The following MYH14 variants were observed in gnomAD, a reference collection of about 807,000 sequenced individuals.
The protein encoded by MYH14 is myosin heavy chain 14.
MYH14 carries 123 observed loss-of-function variants against 255.5 expected under a neutral mutation model. That is an observed-to-expected ratio of 0.48 (90% CI 0.42 to 0.56). MYH14 has a LOEUF of 0.56. MYH14 is among the 20% of genes least tolerant of loss of function. The pLI is 0.00. For missense variants in MYH14, 2,423 were observed against 2,802.3 expected, an observed-to-expected ratio of 0.86 and a Z score of 3.06; for synonymous variants, 1,095 against 1,161.2, an observed-to-expected ratio of 0.94 and a Z score of 1.16.
chr19:50,247,228 G>A (rs2034166081), intron 12 of MYH14, 106 bp downstream of exon 12: 1 of 774,396 alleles, frequency 1.3e-6, no homozygotes, highest in Admixed American at 2.1e-5. Context: ...GACTTTTGCT[G>A]AGTGCCCGCT....
Position 50,272,683 on chromosome 19 carries a change from G to A in MYH14, c.3419G>A (p.Arg1140Gln), listed in dbSNP as rs1396226848. ...VEQQQRAEEL[R>Q]AQLGRKEEEL... ...CAGCAACAGCGGGCAGAGGAGCTGC[G>A]GGCCCAGCTGGGCCGGAAGGAGGAG... Residue 1140 changes from arginine (R) to glutamine (Q), a missense_variant, in exon 27 of 43, where the codon CGG becomes CAG. This residue lies in a region of MYH14 where 1,513 missense variants were observed against 1,674.8 expected (regional missense o/e 0.90). Coordinates refer to ENST00000642316, the MANE Select transcript of MYH14 (RefSeq NM_001145809.2). 6.4e-6 allele frequency: 10 copies of A among 1,552,444 alleles called. No individual in the cohort carries two copies. The highest frequency in any genetic ancestry group is 5.5e-5 in the African/African-American group (4 of 73,194).
intron 13 of MYH14, 29 bp downstream of exon 13, chr19:50,249,168 C>T: frequency 6.5e-7 from 1 of 1,543,350 alleles, no homozygotes; most frequent in Non-Finnish European, 8.8e-7. Flanking sequence ...AGGGGGATGC[C>T]AACTTCCTCA....
chr19:50,218,372 G>A (rs537217620), intron 3 of MYH14, among the ~76,000 whole-genome samples: 11 of 152,132 alleles, frequency 7.2e-5, no homozygotes, highest in South Asian at 2.1e-4. Flanking sequence ...TGAGGCAGGC[G>A]GATCACGAGG....
chr19:50,244,425 C>A, intron 11 of MYH14, 88 bp downstream of exon 11: 1 of 955,710 alleles, frequency 1.0e-6, no homozygotes, highest in Non-Finnish European at 1.7e-6. Context: ...ACGTAGAGAG[C>A]ATCCCCCTTC....
chr19:50,245,387 T>C lies in MYH14; in HGVS notation c.1210+1050T>C, dbSNP rs1429235213. 9.2e-5 allele frequency among the ~76,000 whole-genome samples: 13 copies of C among 141,516 alleles called. No individual in the cohort carries two copies. The Admixed American group carries it at 9.9e-4, about 11-fold the overall frequency. 92.8% of individuals were successfully genotyped at this position (141,516 alleles called of 152,430 possible). A position where few individuals can be genotyped will look rare whatever the true frequency, so the allele number is the denominator to read the frequency against. ...TTGAGCCGAGATTGTGCCGCTGCAC[T>C]CCAGCCTGGGCAACGGAGCAAGAAT... On this transcript the variant is annotated intron_variant, in intron 11 of 42. Transcript: ENST00000642316.
chr19:50,289,340 T>TC, intron 34 of MYH14, 96 bp from the exon 35 acceptor site: 1 of 994,576 alleles, frequency 1.0e-6, no homozygotes, highest in East Asian at 2.6e-5. Flanking sequence ...ACTTGCCATC[T>TC]CCCCATCCTC....
chr19:50,232,608 A>AC (rs1203535868), intron 10 of MYH14, among the ~76,000 whole-genome samples: 14 of 150,982 alleles, frequency 9.3e-5, no homozygotes, highest in African/African-American at 2.9e-4. Context: ...AAAAAAAAAA[A>AC]AAAAAAAACA....
At chr19:50,234,050 CT>C (rs2033543753) in intron 10 of MYH14, among the ~76,000 whole-genome samples, 1 of 151,994 alleles carries the variant, frequency 6.6e-6, no homozygotes, top group Non-Finnish European at 1.5e-5. Flanking sequence ...GAACTGCTGA[CT>C]TCAAGTGATC....
chr19:50,284,232 G>A (rs982785821), intron 33 of MYH14, among the ~76,000 whole-genome samples: 18 of 152,132 alleles, frequency 1.2e-4, no homozygotes, highest in African/African-American at 4.3e-4. Flanking sequence ...AAGAACAGAA[G>A]TTTTTAATTT....
intron 39 of MYH14, among the ~76,000 whole-genome samples, chr19:50,297,866 C>T (rs1048577141): frequency 2.0e-5 from 3 of 152,026 alleles, no homozygotes; most frequent in Non-Finnish European, 4.4e-5. Context: ...AGTGTGACCT[C>T]GCGTTAATCA....
chr19:50,224,054 C>A, intron 5 of MYH14, 100 bp from the exon 6 acceptor site: 1 of 887,538 alleles, frequency 1.1e-6, no homozygotes, highest in South Asian at 1.6e-5. Context: ...CTTCCCCCAC[C>A]CCCCATGCCA....
chr19:50,249,890 C>T, intron 14 of MYH14, 67 bp downstream of exon 14: 2 of 1,581,398 alleles, frequency 1.3e-6, no homozygotes, highest in South Asian at 2.3e-5. Flanking sequence ...ATCTGCGAGA[C>T]CAGGGTCTAG....
intron 1 of MYH14, among the ~76,000 whole-genome samples, chr19:50,207,973 C>G (rs660515): frequency 0.28 from 42,024 of 152,066 alleles, 6,702 homozygotes; most frequent in African/African-American, 0.43. Flanking sequence ...CAACCCCCTT[C>G]CTCGCTCCTG....
At chr19:50,307,514 A>G (rs140565231) in intron 41 of MYH14, among the ~76,000 whole-genome samples, 1 of 152,284 alleles carries the variant, frequency 6.6e-6, no homozygotes, top group Non-Finnish European at 1.5e-5. Flanking sequence ...AGAATGGTAG[A>G]AGGAAGGTGC....
intron 32 of MYH14, 78 bp from the exon 33 acceptor site, chr19:50,281,516 G>A (rs2035716826): frequency 6.0e-6 from 9 of 1,508,508 alleles, no homozygotes; most frequent in Non-Finnish European, 8.0e-6. Context: ...TCTTCATCCT[G>A]GAAATGGAGC....
At chr19:50,255,167 ATC>A in intron 16 of MYH14, 51 bp from the exon 17 acceptor site, 2 of 1,180,790 alleles carry the variant, frequency 1.7e-6, no homozygotes, top group South Asian at 2.6e-5. Context: ...TCTCTCCGCC[ATC>A]TCTCTGCCAT....
intron 2 of MYH14, among the ~76,000 whole-genome samples, chr19:50,212,130 GC>G (rs2032230013): frequency 6.6e-6 from 1 of 152,226 alleles, no homozygotes; most frequent in Non-Finnish European, 1.5e-5. Context: ...ATGGGGTAGA[GC>G]AGTGGTTCTT....
intron 1 of MYH14, among the ~76,000 whole-genome samples, chr19:50,207,227 TC>T (rs1272943234): frequency 8.0e-6 from 1 of 125,348 alleles, no homozygotes; most frequent in Non-Finnish European, 1.7e-5. Flanking sequence ...GAGACCTATC[TC>T]TAAGAAAAAA....
At chr19:50,210,324 GC>G in intron 1 of MYH14, 38 bp from the exon 2 acceptor site, 2 of 1,530,974 alleles carry the variant, frequency 1.3e-6, no homozygotes, top group Non-Finnish European at 1.8e-6. Context: ...GGGGGACGGA[GC>G]CCCATCTGAC....
Sources: gnomAD v4.1 joint callset for allele counts (sites outside exome capture counted in the v4.1 genomes callset) on GRCh38, gnomAD v4.1.1 for gene constraint, gnomAD v4.1.1 regional missense constraint, MANE v1.5 for transcripts, NCBI Gene and HGNC (gene_info 2026-07-23, HGNC 2026-07-21) for gene names.